F13A1: variants seen among roughly 807,000 people sequenced by gnomAD.
The protein encoded by F13A1 is FSF, A subunit.
In F13A1, 47 loss-of-function variants were observed where a neutral mutation model predicts 80.1. The observed-to-expected ratio is 0.59, with a 90% confidence interval of 0.46 to 0.75. F13A1 has a LOEUF of 0.75. Among genes scored for constraint, F13A1 ranks in the 30% least tolerant of loss-of-function variants. F13A1 has a pLI of 0.00. For missense variants in F13A1, 817 were observed against 930.4 expected (o/e 0.88, Z 1.59); for synonymous variants, 349 against 344.9 (o/e 1.01, Z -0.13).
chr6:6,217,565 T>C (rs1016488059), intron 8 of F13A1, among the ~76,000 whole-genome samples: 6 of 148,686 alleles, frequency 4.0e-5, no homozygotes, highest in Non-Finnish European at 6.0e-5. Flanking sequence ...CACTGGGAGA[T>C]ATACCTAATG....
chr6:6,173,509 G>A (rs1369165430), intron 12 of F13A1, among the ~76,000 whole-genome samples: 1 of 151,612 alleles, frequency 6.6e-6, no homozygotes, highest in Admixed American at 6.6e-5. Flanking sequence ...CCGGGTTCGA[G>A]CAATTCTCCT....
chr6:6,191,388 T>A (rs530078794), intron 10 of F13A1, among the ~76,000 whole-genome samples: 1 of 152,342 alleles, frequency 6.6e-6, no homozygotes, highest in African/African-American at 2.4e-5. Flanking sequence ...CCTTTTTCTA[T>A]CCCTACACTT....
chr6:6,163,922 C>G (rs1177913413), intron 13 of F13A1, among the ~76,000 whole-genome samples: 2 of 152,176 alleles, frequency 1.3e-5, no homozygotes, highest in Non-Finnish European at 2.9e-5. Context: ...CTAGTTTACA[C>G]TCCCACCAAC....
Position 6,305,410 on chromosome 6 carries a change from A to G in F13A1, c.260T>C (p.Ile87Thr). ...GGGGTCATATGGACGACTGAAGTCA[A>G]TCTGCACATAGAAAGACTGCCCTCT... ...VRRGQSFYVQ[I>T]DFSRPYDPRR... Residue 87 changes from isoleucine (I) to threonine (T), a missense_variant, in exon 3 of 15, where the codon ATT (isoleucine) becomes ACT (threonine). By Grantham distance (89) the Ile-to-Thr change is moderately conservative. Transcript: ENST00000264870. 3.7e-6 allele frequency: 6 copies of G among 1,614,220 alleles called. No individual in the cohort carries two copies. The highest frequency in any genetic ancestry group is 2.2e-5 in the South Asian group (2 of 91,078).
chr6:6,283,730 A>G (rs1265289478), intron 3 of F13A1, among the ~76,000 whole-genome samples: 6 of 152,106 alleles, frequency 3.9e-5, no homozygotes, highest in South Asian at 2.1e-4. Flanking sequence ...ACATTTTTGA[A>G]CGAACTTTGT....
rs1258732164 is a variant in F13A1, at chr6:6,295,798, T to G, written c.319+9553A>C. On this transcript the variant is annotated intron_variant, in intron 3 of 14. Transcript: ENST00000264870. ...GCTTTTGTTGCCATTGCTTTTGGTG[T>G]TTTAGACATGAAGTCCTTGCCCATG... Among the ~76,000 whole-genome samples, 7 of 137,024 alleles carry G rather than the reference T, an allele frequency of 5.1e-5. No individual in the cohort carries two copies. The South Asian group carries it at 1.6e-3, about 31-fold the overall frequency. The allele number at this position is 137,024 out of a possible 152,430, so 89.9% of individuals were successfully genotyped here.
chr6:6,192,026 A>G (rs766391224), intron 10 of F13A1, among the ~76,000 whole-genome samples: 6 of 152,242 alleles, frequency 3.9e-5, no homozygotes, highest in Non-Finnish European at 7.3e-5. Flanking sequence ...CATGCAAAGC[A>G]TTCTTCCTAC....
At chr6:6,235,271 A>G (rs1426887699) in intron 6 of F13A1, among the ~76,000 whole-genome samples, 1 of 152,072 alleles carries the variant, frequency 6.6e-6, no homozygotes, top group Non-Finnish European at 1.5e-5. Flanking sequence ...CCATAAAAAA[A>G]TTTGTAAATC....
intron 4 of F13A1, among the ~76,000 whole-genome samples, chr6:6,257,844 T>C (rs1244829063): frequency 2.0e-5 from 3 of 152,196 alleles, no homozygotes; most frequent in Non-Finnish European, 4.4e-5. Context: ...TACTGAGATA[T>C]CTTCAGAAGA....
chr6:6,171,332 G>A (rs879724902), intron 12 of F13A1, among the ~76,000 whole-genome samples: 3 of 152,078 alleles, frequency 2.0e-5, no homozygotes, highest in Non-Finnish European at 2.9e-5. Flanking sequence ...CTCATCTCTC[G>A]AGCTTCAGTT....
chr6:6,312,196 A>G lies in F13A1; in HGVS notation c.130+6339T>C, dbSNP rs535714546. 3.9e-5 allele frequency among the ~76,000 whole-genome samples: 6 copies of G among 151,940 alleles called. No homozygotes were observed. In the South Asian group the frequency reaches 1.2e-3, roughly 32 times the overall value. ...TCATCTATACTGGTATACTTTAGACATTTAATTCTAAGCATGATGTTTTCT... is the reference window on the plus strand; with the variant it reads ...TCATCTATACTGGTATACTTTAGACGTTTAATTCTAAGCATGATGTTTTCT... On this transcript the variant is annotated intron_variant, in intron 2 of 14. Coordinates refer to ENST00000264870, the MANE Select transcript of F13A1 (RefSeq NM_000129.4).
chr6:6,246,416 A>G (rs572501091), intron 6 of F13A1, among the ~76,000 whole-genome samples: 55 of 152,364 alleles, frequency 3.6e-4, no homozygotes, highest in African/African-American at 1.3e-3. Flanking sequence ...TATTTTGTGT[A>G]TATAAACAAG....
At chr6:6,266,508 C>G (rs760688845) in intron 4 of F13A1, 50 bp downstream of exon 4, 1 of 1,613,992 alleles carries the variant, frequency 6.2e-7, no homozygotes, top group Non-Finnish European at 8.5e-7. Flanking sequence ...CATGGCACCC[C>G]GCCAAATAGG....
chr6:6,181,955 C>A (rs1561645833), intron 11 of F13A1, 33 bp downstream of exon 11: 1 of 1,612,858 alleles, frequency 6.2e-7, no homozygotes, highest in South Asian at 1.1e-5. Flanking sequence ...TGGACTTGGG[C>A]AAATAAATCT....
rs967826521 is a variant in F13A1 at position 6,243,253 on chromosome 6, CCAT to C, written c.798+5056_798+5058del. Among the ~76,000 whole-genome samples, 20 of 151,318 alleles carry C rather than the reference CCAT, an allele frequency of 1.3e-4. No homozygotes were observed. The highest frequency in any genetic ancestry group is 4.0e-4 in the Admixed American group (6 of 15,168). On this transcript the variant is annotated intron_variant, in intron 6 of 14. Transcript: ENST00000264870. The surrounding 1 kb of genome is among the most constrained non-coding windows in gnomAD (Gnocchi z 4.2). ...GTCACCATCTCCACCACCACCATCA[CCAT>C]CATCATCACTATCACCACCATAATC...
chr6:6,258,221 T>C (rs552071593), intron 4 of F13A1, among the ~76,000 whole-genome samples: 15 of 152,292 alleles, frequency 9.8e-5, no homozygotes, highest in African/African-American at 1.4e-4. Context: ...TAATTTTCTA[T>C]AGGACTTTGA....
At chr6:6,310,415 A>C (rs1742939) in intron 2 of F13A1, among the ~76,000 whole-genome samples, 114,054 of 152,122 alleles carry the variant, frequency 0.75, 43,503 homozygotes, top group African/African-American at 0.9. Flanking sequence ...TATTTAATCT[A>C]TCTGAGCCTC....
chr6:6,305,139 T>C, intron 3 of F13A1: 4 of 622,400 alleles, frequency 6.4e-6, no homozygotes, highest in Non-Finnish European at 1.2e-5. Flanking sequence ...TTTATTTATA[T>C]GAGATTTTCT....
chr6:6,260,282 G>A (rs1013876543), intron 4 of F13A1, among the ~76,000 whole-genome samples: 1 of 152,128 alleles, frequency 6.6e-6, no homozygotes, highest in Non-Finnish European at 1.5e-5. Flanking sequence ...AGGCTGAAGG[G>A]CCCTCAGGAG....
Sources: gnomAD v4.1 joint callset for allele counts (sites outside exome capture counted in the v4.1 genomes callset) on GRCh38, gnomAD v4.1.1 for gene constraint, Gnocchi (gnomAD v3.1) non-coding constraint, MANE v1.5 for transcripts, NCBI Gene and HGNC (gene_info 2026-07-23, HGNC 2026-07-21) for gene names.